The following SMARCC1 variants were observed in gnomAD, a reference collection of about 807,000 sequenced individuals.
SMARCC1 encodes SWI/SNF complex subunit SMARCC1.
SMARCC1 carries 43 observed loss-of-function variants against 147.4 expected under a neutral mutation model. The observed-to-expected ratio is 0.29, with a 90% CI of 0.23 to 0.38. The LOEUF is 0.38. Among genes scored for constraint, SMARCC1 ranks in the 10% least tolerant of loss-of-function variants. The pLI, the probability that SMARCC1 is intolerant of heterozygous loss-of-function variation, is 1.00. For synonymous variants in SMARCC1, 495 were observed against 484.4 expected, an observed-to-expected ratio of 1.02 and a Z score of -0.29; for missense variants, 1,119 against 1,381.1, an observed-to-expected ratio of 0.81 and a Z score of 3.01.
rs748338516 is a variant in SMARCC1 at position 47,781,661 on chromosome 3, G to C, written c.137C>G (p.Pro46Arg). ...GGPATKFWES[P>R]ETVSQLDSVR... ...CGAATCCAGCTGGGACACCGTCTCC[G>C]GGCTCTCCCAAAACTTGGTGGCCGG... is the stretch of plus-strand genomic sequence containing the variant. The change falls in exon 1 of 28, where the codon CCG becomes CGG. Residue 46 changes from proline (P) to arginine (R), a missense_variant. Physicochemically the swap from Pro to Arg is moderately radical, Grantham distance 103 (BLOSUM62 -2). Coordinates refer to ENST00000254480, the MANE Select transcript of SMARCC1 (RefSeq NM_003074.4). The C allele has an allele frequency of 6.4e-7, 1 of 1,557,612 alleles. No individual in the cohort carries two copies. The highest frequency in any genetic ancestry group is 1.9e-5 in the Admixed American group (1 of 51,436).
At chr3:47,731,940 A>G (rs1451808065) in intron 5 of SMARCC1, among the ~76,000 whole-genome samples, 1 of 152,234 alleles carries the variant, frequency 6.6e-6, no homozygotes, top group Admixed American at 6.5e-5. Context: ...ATTAAGCCCC[A>G]AAATAGCCTG....
At chr3:47,688,733 G>C (rs1359847733) in intron 13 of SMARCC1, among the ~76,000 whole-genome samples, 2 of 152,188 alleles carry the variant, frequency 1.3e-5, no homozygotes, top group Non-Finnish European at 2.9e-5. Flanking sequence ...ATGGCAGTGA[G>C]AAAAATCAAG....
chr3:47,681,817 G>A (rs948490509), intron 14 of SMARCC1, among the ~76,000 whole-genome samples: 1 of 151,888 alleles, frequency 6.6e-6, no homozygotes, highest in African/African-American at 2.4e-5. Context: ...AAGAATAACC[G>A]TAAGGAACTA....
At chr3:47,740,178 C>CTTTTTTTTTTT (rs34523367) in intron 3 of SMARCC1, among the ~76,000 whole-genome samples, 8 of 35,716 alleles carry the variant, frequency 2.2e-4, no homozygotes, top group African/African-American at 4.8e-4. Flanking sequence ...GCCCGGCCAT[C>CTTTTTTTTTTT]TTTTTTTTTT....
At chr3:47,738,340 T>C (rs1426820782) in intron 3 of SMARCC1, among the ~76,000 whole-genome samples, 2 of 152,172 alleles carry the variant, frequency 1.3e-5, no homozygotes, top group Non-Finnish European at 1.5e-5. Flanking sequence ...CCATGACATA[T>C]CTATCTAATT....
At chr3:47,750,142 T>C (rs909255241) in intron 2 of SMARCC1, among the ~76,000 whole-genome samples, 1 of 148,810 alleles carries the variant, frequency 6.7e-6, no homozygotes, top group Non-Finnish European at 1.5e-5. Context: ...CATCTTAAAA[T>C]AGACTAATGT....
At chr3:47,754,629 G>A (rs1296473851) in intron 2 of SMARCC1, among the ~76,000 whole-genome samples, 4 of 152,068 alleles carry the variant, frequency 2.6e-5, no homozygotes, top group South Asian at 2.1e-4. Flanking sequence ...AAAGTAACAC[G>A]CATTATTTTA....
intron 2 of SMARCC1, among the ~76,000 whole-genome samples, chr3:47,765,517 C>T (rs1041696615): frequency 1.3e-5 from 2 of 151,564 alleles, no homozygotes; most frequent in African/African-American, 4.9e-5. Flanking sequence ...ATTTCCTACA[C>T]TATTTTGCTT....
intron 10 of SMARCC1, among the ~76,000 whole-genome samples, chr3:47,702,213 A>G (rs1404849158): frequency 7.4e-6 from 1 of 135,844 alleles, no homozygotes; most frequent in Non-Finnish European, 1.6e-5. Flanking sequence ...TTTAAAACTA[A>G]TAAATGTCAG....
chr3:47,745,914 T>C lies in SMARCC1; in HGVS notation c.395A>G (p.Gln132Arg). The change falls in exon 3 of 28, where the codon CAG becomes CGG. Residue 132 changes from glutamine (Q) to arginine (R), a missense_variant. This residue lies in a region of SMARCC1 where 542 missense variants were observed against 611.8 expected (regional missense o/e 0.89). Transcript: ENST00000254480. ...LGAAYKYKNE[Q>R]GWRRFDLQNP... ...AACAAATACAAAAACTTACCATCCC[T>C]GTTCATTTTTATACTTGTAAGCAGC... The C allele has an allele frequency of 1.9e-6, 3 of 1,554,452 alleles. No individual in the cohort carries two copies. Among genetic ancestry groups the C allele is most frequent in the Non-Finnish European group, 2.6e-6 (3 of 1,154,250 alleles).
intron 3 of SMARCC1, among the ~76,000 whole-genome samples, chr3:47,742,286 A>AC (rs1234211465): frequency 6.6e-6 from 1 of 152,014 alleles, no homozygotes; most frequent in Non-Finnish European, 1.5e-5. Flanking sequence ...AAAAAAAAAA[A>AC]CATGTAACAA....
intron 2 of SMARCC1, among the ~76,000 whole-genome samples, chr3:47,749,994 A>G (rs1296321757): frequency 6.6e-6 from 1 of 151,850 alleles, no homozygotes. Context: ...AGGCAGAAGA[A>G]TAGCATGAAC....
chr3:47,777,422 G>A (rs749325261), intron 1 of SMARCC1, among the ~76,000 whole-genome samples: 14 of 151,940 alleles, frequency 9.2e-5, no homozygotes, highest in Non-Finnish European at 7.4e-5. Context: ...GCCGGGTGCA[G>A]TGGCTCATGA....
intron 1 of SMARCC1, among the ~76,000 whole-genome samples, chr3:47,778,610 C>A (rs1022749857): frequency 6.6e-6 from 1 of 152,118 alleles, no homozygotes; most frequent in Non-Finnish European, 1.5e-5. Context: ...AGCCACTGCA[C>A]CTGGCCCAAT....
intron 1 of SMARCC1, among the ~76,000 whole-genome samples, chr3:47,780,669 G>A (rs1313549876): frequency 2.0e-5 from 3 of 152,174 alleles, no homozygotes; most frequent in Non-Finnish European, 4.4e-5. Context: ...ACACTGCAGT[G>A]AACAAAGCCC....
intron 6 of SMARCC1, among the ~76,000 whole-genome samples, chr3:47,726,602 A>G (rs1308753066): frequency 6.6e-6 from 1 of 152,186 alleles, no homozygotes; most frequent in Non-Finnish European, 1.5e-5. Flanking sequence ...TGAAACTAAA[A>G]CCCTACACCC....
chr3:47,638,911 G>T, intron 21 of SMARCC1, 131 bp from the exon 22 acceptor site: 1 of 681,886 alleles, frequency 1.5e-6, no homozygotes, highest in Non-Finnish European at 2.6e-6. Context: ...CCATACAGTT[G>T]AAAAAAGAAG....
At chr3:47,656,004 A>T (rs2033256515) in intron 21 of SMARCC1, among the ~76,000 whole-genome samples, 1 of 152,002 alleles carries the variant, frequency 6.6e-6, no homozygotes, top group South Asian at 2.1e-4. Context: ...CAAGGTCAGG[A>T]GTTCGAGACC....
intron 26 of SMARCC1, among the ~76,000 whole-genome samples, chr3:47,596,548 CAG>C (rs2032285195): frequency 6.7e-6 from 1 of 148,212 alleles, no homozygotes; most frequent in Non-Finnish European, 1.5e-5. Flanking sequence ...GCCTGGGTGA[CAG>C]AGTCAGACTC....
Sources: allele counts gnomAD v4.1 joint callset (sites outside exome capture counted in the v4.1 genomes callset), GRCh38; gene constraint gnomAD v4.1.1; regional missense constraint gnomAD v4.1.1; transcripts MANE v1.5; gene names NCBI Gene and HGNC (gene_info 2026-07-23, HGNC 2026-07-21).